Variants in LYST observed in about 807,000 individuals in gnomAD.
LYST encodes lysosomal-trafficking regulator.
Under a neutral mutation model 413.6 loss-of-function variants are expected in LYST, and 192 were observed. The observed-to-expected ratio is 0.46, with a 90% CI of 0.41 to 0.52. LYST has a LOEUF of 0.52. LYST is among the 20% of genes least tolerant of loss of function. LYST has a pLI of 0.00. For missense variants in LYST, 3,815 were observed against 4,499.9 expected, an observed-to-expected ratio of 0.85 and a Z score of 4.35; for synonymous variants, 1,525 against 1,567.3, an observed-to-expected ratio of 0.97 and a Z score of 0.64.
At chr1:235,883,547 A>G (rs552794714) in exon 1 of LYST, 1 of 152,746 alleles carries the variant, frequency 6.5e-6, no homozygotes, top group African/African-American at 2.4e-5. Context: ...ATGAATAAAC[A>G]CTGAAAGAGG....
At position 235,820,176 on chromosome 1, in the gene LYST, T is replaced by C. The variant is rs533465601; in HGVS notation, c.193-7115A>G. 1.5e-4 allele frequency among the ~76,000 whole-genome samples: 23 copies of C among 151,970 alleles called. 1 individual carries two copies. The highest frequency in any genetic ancestry group is 1.4e-3 in the Admixed American group (22 of 15,264). ...TAACCTAGCCATTCAGAAGTAGAAGTGGTGGGATGGGAGTAAATGGGCAAG... is the reference window on the plus strand; with the variant it reads ...TAACCTAGCCATTCAGAAGTAGAAGCGGTGGGATGGGAGTAAATGGGCAAG... On this transcript the variant is annotated intron_variant, in intron 3 of 52. Transcript: ENST00000389793.
intron 20 of LYST, among the ~76,000 whole-genome samples, chr1:235,768,426 T>C (rs141065255): frequency 4.5e-4 from 69 of 152,186 alleles, no homozygotes; most frequent in African/African-American, 1.6e-3. Context: ...TCCAATATAC[T>C]ACCAATTTAT....
At chr1:235,838,381 G>A (rs1676808370) in intron 1 of LYST, among the ~76,000 whole-genome samples, 1 of 152,084 alleles carries the variant, frequency 6.6e-6, no homozygotes, top group African/African-American at 2.4e-5. Flanking sequence ...ATACTCCATG[G>A]GAATCTAGAT....
chr1:235,853,704 G>A (rs752252040), intron 1 of LYST, among the ~76,000 whole-genome samples: 2 of 152,136 alleles, frequency 1.3e-5, no homozygotes, highest in Non-Finnish European at 2.9e-5. Flanking sequence ...CTGGGGCGCT[G>A]ACCTAGGGAG....
rs533770573 is a variant in LYST, at chr1:235,774,270, T to G, written c.5635-279A>C. The stretch of plus-strand genomic sequence containing the variant: ...TATGTTTTAAATTGAATTAATCTGC[T>G]ATTAGGCTTTAAAACGTTTTCAAAA... On this transcript the variant is annotated intron_variant, in intron 18 of 52. Transcript: ENST00000389793. 2.9e-3 allele frequency among the ~76,000 whole-genome samples: 436 copies of G among 152,328 alleles called. 2 individuals are homozygous for G. The highest frequency in any genetic ancestry group is 1.0e-2 in the African/African-American group (415 of 41,580).
chr1:235,823,504 T>G (rs577325609), intron 3 of LYST, among the ~76,000 whole-genome samples: 8 of 152,394 alleles, frequency 5.2e-5, no homozygotes, highest in African/African-American at 1.9e-4. Flanking sequence ...CCTATTCCCT[T>G]GCTTTAAAAT....
intron 21 of LYST, among the ~76,000 whole-genome samples, chr1:235,763,103 T>C (rs1169549149): frequency 2.0e-5 from 3 of 152,216 alleles, no homozygotes; most frequent in Non-Finnish European, 4.4e-5. Context: ...ACTGTACTTA[T>C]AGTTATTTCT....
intron 48 of LYST, among the ~76,000 whole-genome samples, chr1:235,683,591 A>G (rs1057147142): frequency 2.0e-5 from 3 of 152,230 alleles, no homozygotes; most frequent in African/African-American, 7.2e-5. Flanking sequence ...TCAAAGTTAG[A>G]TATGCTTACT....
chr1:235,847,569 T>G (rs1440462225), intron 1 of LYST, among the ~76,000 whole-genome samples: 3 of 151,014 alleles, frequency 2.0e-5, no homozygotes, highest in Non-Finnish European at 4.4e-5. Flanking sequence ...AAATTGAATG[T>G]AAATGGCCTA....
chr1:235,879,707 T>C (rs1002855071), intron 1 of LYST, among the ~76,000 whole-genome samples: 5 of 151,848 alleles, frequency 3.3e-5, no homozygotes, highest in African/African-American at 9.7e-5. Flanking sequence ...AACTGAAAGC[T>C]CTGAGAATGG....
intron 50 of LYST, among the ~76,000 whole-genome samples, chr1:235,673,578 C>T (rs1225635279): frequency 6.6e-6 from 1 of 152,186 alleles, no homozygotes; most frequent in African/African-American, 2.4e-5. Context: ...ACAACTGTCA[C>T]ACCCACCAGT....
chr1:235,716,416 T>C (rs2103140845), intron 41 of LYST, among the ~76,000 whole-genome samples: 1 of 152,330 alleles, frequency 6.6e-6, no homozygotes. Context: ...AGCAGGTCCC[T>C]GGAAATCTTT....
chr1:235,844,873 ATC>A (rs1023096025), intron 1 of LYST, among the ~76,000 whole-genome samples: 1 of 152,206 alleles, frequency 6.6e-6, no homozygotes, highest in African/African-American at 2.4e-5. Flanking sequence ...GCAAGAAAAT[ATC>A]TGTTAATCTA....
intron 1 of LYST, among the ~76,000 whole-genome samples, chr1:235,848,933 C>T (rs187509831): frequency 1.2e-3 from 190 of 152,016 alleles, no homozygotes; most frequent in African/African-American, 4.4e-3. Context: ...AGAATTCTAC[C>T]AGACATTTAA....
chr1:235,677,482 GT>G lies in LYST; in HGVS notation c.10937del (p.Asn3646ThrfsTer46). On this transcript the variant is annotated frameshift_variant, in exon 49 of 53. Transcript: ENST00000389793. LOFTEE classifies it high-confidence loss of function. ...RDGTCIIWDL[N>X]RLCYVQSLAG... is the part of the protein sequence containing the mutation. ...GATTTGGAGACCTTCTTCTGTACCT[GT>G]TTAAATCCCATATGATGCAGGTTCC... 1 of 1,613,648 alleles carries G rather than the reference GT, an allele frequency of 6.2e-7. No individual in the cohort carries two copies. Among genetic ancestry groups the G allele is most frequent in the Non-Finnish European group, 8.5e-7 (1 of 1,179,704 alleles).
At chr1:235,787,762 G>A (rs1310665024) in intron 13 of LYST, among the ~76,000 whole-genome samples, 1 of 151,954 alleles carries the variant, frequency 6.6e-6, no homozygotes, top group Admixed American at 6.6e-5. Context: ...CTACTTTGTG[G>A]GATTACTGAA....
intron 44 of LYST, among the ~76,000 whole-genome samples, chr1:235,704,968 C>T (rs7549544): frequency 3.3e-5 from 5 of 152,146 alleles, no homozygotes; most frequent in African/African-American, 9.7e-5. Context: ...TATTAGTGAA[C>T]GGTCATTAAG....
chr1:235,712,302 G>T, intron 42 of LYST, 105 bp from the exon 43 acceptor site: 1 of 831,814 alleles, frequency 1.2e-6, no homozygotes, highest in Non-Finnish European at 1.9e-6. Flanking sequence ...TTAAAATAAT[G>T]CTAATTTTGT....
Position 235,662,849 on chromosome 1 carries a change from A to G in LYST, c.*91T>C. 3.7e-6 allele frequency: 3 copies of G among 803,612 alleles called. No individual in the cohort carries two copies. Among genetic ancestry groups the G allele is most frequent in the Non-Finnish European group, 4.5e-6 (2 of 441,528 alleles). 49.8% of individuals were successfully genotyped at this position (803,612 alleles called of 1,614,324 possible). ...ATTTGGATGGTTTGTCCAGTCATCC[A>G]TTTCTTTAGGTTCAACCTCCTAAAA... On this transcript the variant is annotated 3_prime_UTR_variant, in exon 53 of 53. Transcript: ENST00000389793.
Sources: gnomAD v4.1 joint callset for allele counts (sites outside exome capture counted in the v4.1 genomes callset) on GRCh38, gnomAD v4.1.1 for gene constraint, MANE v1.5 for transcripts, NCBI Gene and HGNC (gene_info 2026-07-23, HGNC 2026-07-21) for gene names.